LRRC4C: variants seen among roughly 807,000 people sequenced by gnomAD.
The protein encoded by LRRC4C is leucine rich repeat containing 4C.
LRRC4C carries 5 observed loss-of-function variants against 33.6 expected under a neutral mutation model. The observed-to-expected ratio is 0.15, with a 90% CI of 0.08 to 0.31. The LOEUF is 0.31. Ranked by LOEUF, LRRC4C falls within the 10% of genes least tolerant of loss-of-function variation. The pLI, the probability that LRRC4C is intolerant of heterozygous loss-of-function variation, is 1.00. For synonymous variants in LRRC4C, 329 were observed against 302.0 expected (o/e 1.09, Z -0.93); for missense variants, 560 against 796.7 (o/e 0.70, Z 3.58).
At chr11:41,315,509 C>T (rs6485265) in intron 1 of LRRC4C, among the ~76,000 whole-genome samples, 17,636 of 152,114 alleles carry the variant, frequency 0.12, 1,143 homozygotes, top group South Asian at 0.21. Context: ...AAGTATCTTG[C>T]CAACCATCAA....
At chr11:41,452,775 A>G (rs935243593) in intron 1 of LRRC4C, among the ~76,000 whole-genome samples, 1 of 152,096 alleles carries the variant, frequency 6.6e-6, no homozygotes. Flanking sequence ...TTATAAGTAG[A>G]CAAACAAGAA....
At chr11:40,253,954 C>A (rs1465183503) in intron 4 of LRRC4C, among the ~76,000 whole-genome samples, 1 of 152,002 alleles carries the variant, frequency 6.6e-6, no homozygotes. Context: ...AAAATCATGC[C>A]CTTTCCTTTA....
At chr11:40,782,904 G>A (rs1950270018) in intron 2 of LRRC4C, among the ~76,000 whole-genome samples, 1 of 151,966 alleles carries the variant, frequency 6.6e-6, no homozygotes. Context: ...ATATACATAT[G>A]TGTATGTATG....
At chr11:41,400,594 G>A (rs1028956070) in intron 1 of LRRC4C, among the ~76,000 whole-genome samples, 1 of 151,366 alleles carries the variant, frequency 6.6e-6, no homozygotes, top group Admixed American at 6.6e-5. Context: ...TTTTTTTAAT[G>A]CTGCTAATGG....
chr11:40,976,809 T>G (rs1852118090), intron 1 of LRRC4C, among the ~76,000 whole-genome samples: 4 of 152,218 alleles, frequency 2.6e-5, no homozygotes, highest in Admixed American at 1.3e-4. Context: ...GTCCCCAACA[T>G]TTTTGCACCA....
At chr11:40,236,693 T>C (rs1865587399) in intron 5 of LRRC4C, among the ~76,000 whole-genome samples, 1 of 152,152 alleles carries the variant, frequency 6.6e-6, no homozygotes, top group South Asian at 2.1e-4. Flanking sequence ...CATGTTGGAA[T>C]GGCAAAGCCA....
chr11:40,624,116 A>G (rs954076491), intron 3 of LRRC4C, among the ~76,000 whole-genome samples: 2 of 152,108 alleles, frequency 1.3e-5, no homozygotes, highest in Admixed American at 6.6e-5. Flanking sequence ...TACCTGGGAA[A>G]GAGTTGGGTG....
intron 2 of LRRC4C, among the ~76,000 whole-genome samples, chr11:40,875,137 T>C (rs1426911050): frequency 1.3e-5 from 2 of 152,156 alleles, no homozygotes; most frequent in South Asian, 2.1e-4. Context: ...AAACCACCAC[T>C]AAATTTCTTA....
chr11:40,834,888 A>ACAGG (rs1952592180), intron 2 of LRRC4C, among the ~76,000 whole-genome samples: 1 of 79,594 alleles, frequency 1.3e-5, no homozygotes, highest in Non-Finnish European at 3.1e-5. Context: ...AGACAGGCAG[A>ACAGG]CAGACAGACA....
intron 3 of LRRC4C, among the ~76,000 whole-genome samples, chr11:40,396,208 A>G (rs1288277338): frequency 1.3e-5 from 2 of 152,088 alleles, no homozygotes; most frequent in Admixed American, 1.3e-4. Flanking sequence ...TTCATCTTAC[A>G]GCATAAGAAT....
chr11:41,138,480 G>C (rs999188878), intron 1 of LRRC4C, among the ~76,000 whole-genome samples: 1 of 152,012 alleles, frequency 6.6e-6, no homozygotes, highest in Admixed American at 6.6e-5. Context: ...TTGATAGGAG[G>C]GTGAACTCAT....
intron 1 of LRRC4C, among the ~76,000 whole-genome samples, chr11:41,027,681 G>A (rs1391070512): frequency 6.6e-6 from 1 of 151,558 alleles, no homozygotes; most frequent in African/African-American, 2.4e-5. Flanking sequence ...AACAATCATA[G>A]GAATAGTCTA....
chr11:40,133,035 G>A (rs752315775), intron 6 of LRRC4C, among the ~76,000 whole-genome samples: 19 of 152,180 alleles, frequency 1.2e-4, no homozygotes, highest in South Asian at 2.1e-4. Context: ...TATCTGAAAC[G>A]TAAGTCCTTG....
intron 3 of LRRC4C, among the ~76,000 whole-genome samples, chr11:40,544,361 G>A (rs960494504): frequency 1.3e-5 from 2 of 152,126 alleles, no homozygotes; most frequent in East Asian, 1.9e-4. Flanking sequence ...CACTTCCCAT[G>A]ACCTCCTTCT....
chr11:41,372,941 T>G (rs976140854), intron 1 of LRRC4C, among the ~76,000 whole-genome samples: 1 of 152,196 alleles, frequency 6.6e-6, no homozygotes, highest in African/African-American at 2.4e-5. Context: ...TAAACAGATT[T>G]AGCTATTTAG....
At chr11:41,059,244 T>C (rs1218991392) in intron 1 of LRRC4C, among the ~76,000 whole-genome samples, 2 of 95,496 alleles carry the variant, frequency 2.1e-5, no homozygotes, top group Non-Finnish European at 4.3e-5. Context: ...GAGAAAGAAC[T>C]TGTTTAAGGT....
At chr11:40,157,476 C>T (rs192989608) in intron 5 of LRRC4C, among the ~76,000 whole-genome samples, 1 of 152,226 alleles carries the variant, frequency 6.6e-6, no homozygotes, top group Admixed American at 6.5e-5. Context: ...CCAGACAACC[C>T]ACAGAGTGGG....
In LRRC4C at chr11:41,388,424, C is replaced by T. The variant is rs932365819; in HGVS notation, c.-496+71007G>A. Among the ~76,000 whole-genome samples the T allele has an allele frequency of 8.6e-5, 13 of 151,848 alleles. 1 individual carries two copies. The South Asian group carries it at 2.7e-3, about 31-fold the overall frequency. ...ATTTAAAAGACCTGACTTCAAATGA[C>T]CCACATGGTACTGGGGGAGACAGAT... On this transcript the variant is annotated intron_variant, in intron 1 of 6. Coordinates refer to ENST00000528697, the MANE Select transcript of LRRC4C (RefSeq NM_001258419.2).
At chr11:41,377,091 A>C (rs1952963808) in intron 1 of LRRC4C, among the ~76,000 whole-genome samples, 1 of 152,196 alleles carries the variant, frequency 6.6e-6, no homozygotes, top group African/African-American at 2.4e-5. Context: ...TTATCCAGGG[A>C]ATCAAGTTTG....
Sources: allele counts gnomAD v4.1 joint callset (sites outside exome capture counted in the v4.1 genomes callset), GRCh38; gene constraint gnomAD v4.1.1; transcripts MANE v1.5; gene names NCBI Gene and HGNC (gene_info 2026-07-23, HGNC 2026-07-21).